The following FNBP1 variants were observed in gnomAD, a reference collection of about 807,000 sequenced individuals.
The protein encoded by FNBP1 is formin binding protein 1, also known as formin-binding protein 1.
Under a neutral mutation model 90.6 loss-of-function variants are expected in FNBP1, and 26 were observed. The ratio of observed to expected loss-of-function variants is 0.29; its 90% CI spans 0.21 to 0.40. The LOEUF (loss-of-function observed/expected upper bound fraction) is 0.40, where lower values mean the gene tolerates loss of function less well. FNBP1 is among the 10% of genes least tolerant of loss of function. The pLI is 1.00. For missense variants in FNBP1, 635 were observed against 768.0 expected (o/e 0.83, Z 2.05); for synonymous variants, 260 against 265.2 (o/e 0.98, Z 0.19).
Position 129,978,550 on chromosome 9 carries a change from T to C in FNBP1, c.260A>G (p.His87Arg). ...TGCCATGTTCTCGGAGATAACTTCA[T>C]GCTGCCCTGCGTAATCATTCATTTC... ...LNEMNDYAGQ[H>R]EVISENMASQ... is the part of the protein sequence containing the mutation. Residue 87 changes from histidine to arginine, a missense_variant, in exon 4 of 17, where the codon CAT (histidine) becomes CGT (arginine). His to Arg is a conservative substitution (Grantham distance 29). Transcript: ENST00000446176. The C allele has an allele frequency of 6.2e-7, 1 of 1,613,910 alleles. No homozygotes were observed.
chr9:129,985,165 T>C (rs2051957618), intron 2 of FNBP1, among the ~76,000 whole-genome samples: 1 of 151,844 alleles, frequency 6.6e-6, no homozygotes. Context: ...CAGCCTCAAG[T>C]GGAACTCAAA....
At chr9:129,951,837 G>A (rs909905920) in intron 6 of FNBP1, among the ~76,000 whole-genome samples, 5 of 152,092 alleles carry the variant, frequency 3.3e-5, no homozygotes, top group African/African-American at 1.2e-4. Flanking sequence ...TTCAGGTTTG[G>A]ATGCAATCAC....
chr9:130,002,750 T>C (rs563374798), intron 1 of FNBP1, among the ~76,000 whole-genome samples: 2 of 152,332 alleles, frequency 1.3e-5, no homozygotes, highest in East Asian at 3.9e-4. Context: ...CTTTCAACTA[T>C]TCACTCTAAG....
At chr9:129,927,440 G>A in intron 7 of FNBP1, 99 bp from the exon 8 acceptor site, 1 of 1,148,722 alleles carries the variant, frequency 8.7e-7, no homozygotes, top group East Asian at 2.4e-5. Flanking sequence ...TCTCTTTGAG[G>A]AAAAAATGGG....
chr9:130,009,750 C>T (rs1435834218), intron 1 of FNBP1, among the ~76,000 whole-genome samples: 1 of 152,048 alleles, frequency 6.6e-6, no homozygotes, highest in Admixed American at 6.6e-5. Context: ...TGCAGTCAGC[C>T]GAGATCGTGC....
intron 4 of FNBP1, among the ~76,000 whole-genome samples, chr9:129,975,260 C>CA (rs2050133536): frequency 6.6e-6 from 1 of 152,266 alleles, no homozygotes; most frequent in African/African-American, 2.4e-5. Flanking sequence ...CAAATACACA[C>CA]ATTTGCTTAC....
chr9:130,016,736 T>C (rs528115904), intron 1 of FNBP1, among the ~76,000 whole-genome samples: 1 of 152,228 alleles, frequency 6.6e-6, no homozygotes, highest in East Asian at 1.9e-4. Context: ...AGAGCAAAAC[T>C]CTGTCTCAAA....
intron 1 of FNBP1, among the ~76,000 whole-genome samples, chr9:130,008,165 C>T (rs771181528): frequency 2.0e-5 from 3 of 151,142 alleles, no homozygotes; most frequent in Admixed American, 1.3e-4. Flanking sequence ...AGCAACATGG[C>T]GAGACCCACT....
At chr9:130,015,864 G>A (rs2057182672) in intron 1 of FNBP1, among the ~76,000 whole-genome samples, 1 of 152,030 alleles carries the variant, frequency 6.6e-6, no homozygotes, top group African/African-American at 2.4e-5. Flanking sequence ...TTGTAGAGAT[G>A]GGGTTTTGCC....
At chr9:130,000,886 A>C (rs987613068) in intron 1 of FNBP1, among the ~76,000 whole-genome samples, 11 of 152,242 alleles carry the variant, frequency 7.2e-5, no homozygotes, top group Non-Finnish European at 2.9e-5. Flanking sequence ...CTTACAACTC[A>C]GGATCATGTA....
rs181566990 is a variant in FNBP1, at chr9:129,927,001, C to T, written c.789+194G>A. On this transcript the variant is annotated intron_variant, in intron 8 of 16. Coordinates refer to ENST00000446176, the MANE Select transcript of FNBP1 (RefSeq NM_015033.3). ...ATACTTCAATTCAATTCTGTCATGT[C>T]TCGGACAATTTACCACTTAAATGTG... is the stretch of plus-strand genomic sequence containing the variant. Among the ~76,000 whole-genome samples, 4 of 152,034 alleles carry T rather than the reference C, an allele frequency of 2.6e-5. No individual in the cohort carries two copies. The East Asian group carries it at 7.7e-4, about 29-fold the overall frequency.
intron 1 of FNBP1, among the ~76,000 whole-genome samples, chr9:130,015,727 T>C (rs1458685073): frequency 1.5e-4 from 23 of 152,258 alleles, no homozygotes; most frequent in Admixed American, 1.4e-3. Context: ...TGGACTGGAA[T>C]GCATTGGCAC....
chr9:129,943,584 G>A (rs544502101), intron 6 of FNBP1, among the ~76,000 whole-genome samples: 6 of 151,894 alleles, frequency 4.0e-5, no homozygotes, highest in East Asian at 2.0e-4. Context: ...ATGCGGTTTC[G>A]CCATGTCAGC....
intron 12 of FNBP1, among the ~76,000 whole-genome samples, chr9:129,906,094 G>C (rs754648617): frequency 6.6e-6 from 1 of 151,764 alleles, no homozygotes; most frequent in Non-Finnish European, 1.5e-5. Context: ...TGTTGGTCAG[G>C]CTGGTGTTGA....
chr9:129,925,118 C>T lies in FNBP1; in HGVS notation c.829G>A (p.Glu277Lys). ...TCAAATTCAATGTCTCCAGGAGGCT[C>T]AAACCCTGATTTATAAGCTTCTATT... The part of the protein sequence containing the change: ...LVIEAYKSGF[E>K]PPGDIEFEDY... The change falls in exon 9 of 17, where the codon GAG becomes AAG. Residue 277 changes from glutamate to lysine, a missense_variant. By Grantham distance (56) the Glu-to-Lys change is moderately conservative. Coordinates refer to ENST00000446176, the MANE Select transcript of FNBP1 (RefSeq NM_015033.3). 6.2e-7 allele frequency: 1 copy of T among 1,613,808 alleles called. No homozygotes were observed. The highest frequency in any genetic ancestry group is 8.5e-7 in the Non-Finnish European group (1 of 1,179,774).
chr9:129,892,597 G>T (rs2035233874), intron 16 of FNBP1, among the ~76,000 whole-genome samples: 1 of 152,132 alleles, frequency 6.6e-6, no homozygotes, highest in South Asian at 2.1e-4. Flanking sequence ...ATCTCTAAGT[G>T]TAACTTTCAA....
At chr9:130,052,219 G>A in the FNBP1 span, among the ~76,000 whole-genome samples, 1 of 152,110 alleles carries the variant, frequency 6.6e-6, no homozygotes, top group Admixed American at 6.6e-5. Flanking sequence ...TGTGAAAGAA[G>A]AAGATATCCT....
intron 6 of FNBP1, among the ~76,000 whole-genome samples, chr9:129,954,823 C>T (rs1378230894): frequency 1.3e-5 from 2 of 152,016 alleles, no homozygotes; most frequent in Non-Finnish European, 2.9e-5. Flanking sequence ...GTGGTGAAAC[C>T]CCATCTCTAC....
chr9:130,045,677 C>T (rs1387689272), upstream of FNBP1, among the ~76,000 whole-genome samples: 2 of 152,192 alleles, frequency 1.3e-5, no homozygotes, highest in Non-Finnish European at 2.9e-5. Context: ...ATATCTTTAA[C>T]TTCATTAAGC....
Sources: gnomAD v4.1 joint callset for allele counts (sites outside exome capture counted in the v4.1 genomes callset) on GRCh38, gnomAD v4.1.1 for gene constraint, MANE v1.5 for transcripts, NCBI Gene and HGNC (gene_info 2026-07-23, HGNC 2026-07-21) for gene names.